CACNA2D1: variants seen among roughly 807,000 people sequenced by gnomAD.
The protein encoded by CACNA2D1 is calcium voltage-gated channel auxiliary subunit alpha2delta 1, also known as voltage-dependent calcium channel subunit alpha-2/delta-1.
CACNA2D1 carries 53 observed loss-of-function variants against 171.5 expected under a neutral mutation model. The observed-to-expected ratio is 0.31, with a 90% CI of 0.25 to 0.39. The LOEUF (loss-of-function observed/expected upper bound fraction) is 0.39. Ranked by LOEUF, CACNA2D1 falls within the 10% of genes least tolerant of loss-of-function variation. CACNA2D1 has a pLI of 1.00. For missense variants in CACNA2D1, 903 were observed against 1,299.8 expected (o/e 0.69, Z 4.69); for synonymous variants, 442 against 443.1 (o/e 1.00, Z 0.03).
At chr7:82,215,917 T>C (rs1454465256) in intron 3 of CACNA2D1, among the ~76,000 whole-genome samples, 2 of 152,280 alleles carry the variant, frequency 1.3e-5, no homozygotes, top group East Asian at 1.9e-4. Flanking sequence ...GAAAACTCTA[T>C]GCAAGAAAAA....
At chr7:82,024,569 T>G (rs1367735901) in intron 12 of CACNA2D1, among the ~76,000 whole-genome samples, 1 of 151,748 alleles carries the variant, frequency 6.6e-6, no homozygotes, top group East Asian at 1.9e-4. Flanking sequence ...ATATGGCTTG[T>G]AAATATTTTC....
chr7:82,295,147 A>G (rs1319682134), intron 3 of CACNA2D1, among the ~76,000 whole-genome samples: 1 of 152,322 alleles, frequency 6.6e-6, no homozygotes, highest in East Asian at 1.9e-4. Context: ...AATATTCTAT[A>G]AAGGAAAAAG....
intron 6 of CACNA2D1, among the ~76,000 whole-genome samples, chr7:82,101,032 T>C (rs1379828363): frequency 6.6e-6 from 1 of 152,124 alleles, no homozygotes; most frequent in Non-Finnish European, 1.5e-5. Flanking sequence ...AACACAAATA[T>C]AGATACAGAT....
intron 9 of CACNA2D1, among the ~76,000 whole-genome samples, chr7:82,062,553 G>A (rs554252791): frequency 7.5e-5 from 11 of 147,474 alleles, no homozygotes; most frequent in Admixed American, 2.7e-4. Flanking sequence ...TTAAGGTCTA[G>A]TTTACCTAAT....
intron 16 of CACNA2D1, among the ~76,000 whole-genome samples, chr7:82,007,461 G>A (rs1283779057): frequency 6.6e-6 from 1 of 152,086 alleles, no homozygotes; most frequent in Admixed American, 6.6e-5. Flanking sequence ...ATAGTTAAGT[G>A]GAGTTAAGTT....
chr7:82,342,697 A>C (rs1465033733), intron 2 of CACNA2D1, among the ~76,000 whole-genome samples: 1 of 152,196 alleles, frequency 6.6e-6, no homozygotes, highest in Non-Finnish European at 1.5e-5. Flanking sequence ...TTAAGATCAC[A>C]TAGGATGCAA....
chr7:82,275,525 T>C (rs1189063916), intron 3 of CACNA2D1, among the ~76,000 whole-genome samples: 2 of 152,158 alleles, frequency 1.3e-5, no homozygotes, highest in Middle Eastern at 3.2e-3. Flanking sequence ...TCATTATCTC[T>C]GGAAGGGGTC....
chr7:82,206,900 C>T (rs566812309), intron 3 of CACNA2D1, among the ~76,000 whole-genome samples: 3 of 152,200 alleles, frequency 2.0e-5, no homozygotes, highest in African/African-American at 7.2e-5. Flanking sequence ...AGAGAATAAA[C>T]ATCTTTTTTT....
chr7:82,215,406 C>T (rs535831196), intron 3 of CACNA2D1, among the ~76,000 whole-genome samples: 20 of 152,202 alleles, frequency 1.3e-4, no homozygotes, highest in East Asian at 1.9e-4. Flanking sequence ...AACAGCAGAA[C>T]GCAGACCAAA....
At chr7:82,312,509 C>CTTTTT (rs557443177) in intron 3 of CACNA2D1, among the ~76,000 whole-genome samples, 5 of 118,988 alleles carry the variant, frequency 4.2e-5, no homozygotes, top group South Asian at 2.7e-4. Flanking sequence ...TTAACTGAAA[C>CTTTTT]TTTTTTTTTT....
At chr7:82,297,441 A>C (rs1209167681) in intron 3 of CACNA2D1, among the ~76,000 whole-genome samples, 1 of 152,178 alleles carries the variant, frequency 6.6e-6, no homozygotes, top group Non-Finnish European at 1.5e-5. Flanking sequence ...TGGTAACTTC[A>C]CATAATTAGA....
intron 18 of CACNA2D1, among the ~76,000 whole-genome samples, chr7:81,999,855 T>C (rs574722960): frequency 2.0e-5 from 3 of 152,348 alleles, no homozygotes; most frequent in African/African-American, 7.2e-5. Flanking sequence ...AAGACTTTCA[T>C]ATGCAACAAT....
chr7:82,291,665 T>A (rs999728606), intron 3 of CACNA2D1, among the ~76,000 whole-genome samples: 3 of 145,162 alleles, frequency 2.1e-5, no homozygotes, highest in South Asian at 2.1e-4. Flanking sequence ...ATATATATTT[T>A]TTTTTCTTTT....
In CACNA2D1 at chr7:82,012,117, TTA is replaced by T. The variant is rs772090025; in HGVS notation, c.1362+35_1362+36del. On this transcript the variant is annotated intron_variant, in intron 15 of 38. Transcript: ENST00000356860. ...AGTAGAAATCATCTGTGTGCTTTTG[TTA>T]TGACAGTCTTTGACTGAATAGCTCA... The T allele has an allele frequency of 1.2e-5, 14 of 1,168,938 alleles. 1 individual carries two copies. The Admixed American group carries it at 2.2e-4, about 18-fold the overall frequency. The allele number at this position is 1,168,938 out of a possible 1,614,324, so 72.4% of individuals were successfully genotyped here.
intron 18 of CACNA2D1, among the ~76,000 whole-genome samples, chr7:81,998,073 T>C (rs1263171929): frequency 6.6e-6 from 1 of 152,018 alleles, no homozygotes; most frequent in African/African-American, 2.4e-5. Context: ...TATGATATTA[T>C]TTTAATGTCT....
intron 7 of CACNA2D1, 106 bp downstream of exon 7, chr7:82,084,663 G>A: frequency 8.1e-7 from 1 of 1,229,088 alleles, no homozygotes. Flanking sequence ...TATAAAAGTA[G>A]TGTGATATAG....
chr7:82,334,313 A>G (rs1023065438), intron 3 of CACNA2D1, among the ~76,000 whole-genome samples: 1 of 152,204 alleles, frequency 6.6e-6, no homozygotes, highest in Admixed American at 6.5e-5. Context: ...CAATCTAGCA[A>G]TTCTACTCTC....
At chr7:82,120,457 G>T (rs1563078041) in intron 5 of CACNA2D1, among the ~76,000 whole-genome samples, 1 of 152,086 alleles carries the variant, frequency 6.6e-6, no homozygotes, top group East Asian at 1.9e-4. Flanking sequence ...TTAAGGCATG[G>T]CATCACGGTC....
intron 1 of CACNA2D1, among the ~76,000 whole-genome samples, chr7:82,401,291 G>T (rs1585824313): frequency 1.3e-5 from 2 of 151,542 alleles, no homozygotes; most frequent in South Asian, 2.1e-4. Context: ...CAATAGCAAA[G>T]ACTTGGAACC....
Sources: allele counts gnomAD v4.1 joint callset (sites outside exome capture counted in the v4.1 genomes callset), GRCh38; gene constraint gnomAD v4.1.1; transcripts MANE v1.5; gene names NCBI Gene and HGNC (gene_info 2026-07-23, HGNC 2026-07-21).